Variants in CLRN2 observed in about 807,000 individuals in gnomAD.
CLRN2 encodes clarin-2.
A neutral mutation model predicts 20.1 loss-of-function variants in CLRN2; 17 were observed. That is an observed-to-expected ratio of 0.85 (90% CI 0.58 to 1.27). The LOEUF (loss-of-function observed/expected upper bound fraction) is 1.27, where lower values mean the gene tolerates loss of function less well. Among genes scored for constraint, CLRN2 ranks in the 50% most tolerant of loss-of-function variants. CLRN2 has a pLI of 0.00. For synonymous variants in CLRN2, 140 were observed against 126.9 expected, an observed-to-expected ratio of 1.10 and a Z score of -0.70; for missense variants, 288 against 299.5, an observed-to-expected ratio of 0.96 and a Z score of 0.28.
At chr4:17,525,383 C>T (rs1211570974) in intron 2 of CLRN2, among the ~76,000 whole-genome samples, 3 of 152,112 alleles carry the variant, frequency 2.0e-5, no homozygotes, top group Admixed American at 6.6e-5. Context: ...CGCCTGTAAT[C>T]CCAGCACTTG....
At position 17,515,517 on chromosome 4, in the gene CLRN2, CGAGT is replaced by C; in HGVS notation, c.253+3_253+6del. 1 of 1,613,744 alleles carries C rather than the reference CGAGT, an allele frequency of 6.2e-7. No homozygotes were observed. The highest frequency in any genetic ancestry group is 1.3e-5 in the African/African-American group (1 of 75,008). On this transcript the variant is annotated splice_donor_variant and coding_sequence_variant, in exon 1 of 3. Coordinates refer to ENST00000511148, the MANE Select transcript of CLRN2 (RefSeq NM_001079827.2). LOFTEE classifies it high-confidence loss of function. ...CTTGGGGGCCGCCAATCCCAATTCA[CGAGT>C]GAGTATATTGGGAGCATGAAAGCTG...
intron 1 of CLRN2, among the ~76,000 whole-genome samples, chr4:17,519,551 A>C (rs1296230185): frequency 1.3e-5 from 2 of 152,252 alleles, no homozygotes; most frequent in Non-Finnish European, 2.9e-5. Flanking sequence ...AAGAATATGT[A>C]TAAAGCCACC....
chr4:17,522,802 G>A, intron 1 of CLRN2, 62 bp from the exon 2 acceptor site: 5 of 1,558,390 alleles, frequency 3.2e-6, no homozygotes, highest in Non-Finnish European at 4.4e-6. Flanking sequence ...AAGCAAGCTT[G>A]GACTTCATGA....
intron 1 of CLRN2, among the ~76,000 whole-genome samples, chr4:17,518,890 T>A (rs1711761764): frequency 6.6e-6 from 1 of 152,240 alleles, no homozygotes; most frequent in Non-Finnish European, 1.5e-5. Flanking sequence ...CCTTCCATTT[T>A]TACTATGCTA....
chr4:17,516,301 A>G (rs1172657282), intron 1 of CLRN2, among the ~76,000 whole-genome samples: 1 of 152,238 alleles, frequency 6.6e-6, no homozygotes, highest in Non-Finnish European at 1.5e-5. Context: ...CAGGAATCCA[A>G]GCTGGACTTA....
intron 2 of CLRN2, among the ~76,000 whole-genome samples, chr4:17,526,201 A>ATT (rs911745085): frequency 1.3e-5 from 2 of 152,194 alleles, no homozygotes; most frequent in African/African-American, 4.8e-5. Flanking sequence ...ATCCTAGGAT[A>ATT]TTTTAGACAA....
Position 17,526,933 on chromosome 4 carries a change from C to G in CLRN2, c.550C>G (p.Gln184Glu). The G allele has an allele frequency of 6.2e-7, 1 of 1,614,004 alleles. No individual in the cohort carries two copies. The highest frequency in any genetic ancestry group is 1.3e-5 in the African/African-American group (1 of 75,034). Residue 184 changes from glutamine (Q) to glutamate (E), a missense_variant, in exon 3 of 3, where the codon CAG becomes GAG. Gln to Glu is a conservative substitution (Grantham distance 29, BLOSUM62 2). Coordinates refer to ENST00000511148, the MANE Select transcript of CLRN2 (RefSeq NM_001079827.2). The stretch of plus-strand genomic sequence containing the variant: ...CTTCCAGTTTGTGGTGGTGGAAGAA[C>G]AGTATGAAGAGTCGTTTTGGATCTG... ...KLFQFVVVEE[Q>E]YEESFWICVA... is the part of the protein sequence containing the mutation.
At chr4:17,524,627 C>T (rs35829965) in intron 2 of CLRN2, among the ~76,000 whole-genome samples, 67 of 152,170 alleles carry the variant, frequency 4.4e-4, no homozygotes, top group Non-Finnish European at 7.3e-4. Context: ...AAGTGCTCAA[C>T]GCTGCTTATT....
At chr4:17,518,342 G>C (rs1406855795) in intron 1 of CLRN2, among the ~76,000 whole-genome samples, 1 of 152,162 alleles carries the variant, frequency 6.6e-6, no homozygotes, top group Non-Finnish European at 1.5e-5. Context: ...TGGGTGGCTA[G>C]AGAAAGAAAA....
chr4:17,525,715 T>A (rs1429808605), intron 2 of CLRN2, among the ~76,000 whole-genome samples: 2 of 151,886 alleles, frequency 1.3e-5, no homozygotes, highest in Non-Finnish European at 2.9e-5. Flanking sequence ...CACGTAAAAA[T>A]GTCCAAGTGA....
intron 2 of CLRN2, among the ~76,000 whole-genome samples, chr4:17,525,371 C>T (rs1234442642): frequency 2.6e-5 from 4 of 152,232 alleles, no homozygotes; most frequent in East Asian, 3.9e-4. Context: ...CACGGTGGCT[C>T]ACGCCTGTAA....
intron 1 of CLRN2, among the ~76,000 whole-genome samples, chr4:17,518,457 GC>G (rs1711748742): frequency 6.6e-6 from 1 of 152,174 alleles, no homozygotes; most frequent in African/African-American, 2.4e-5. Context: ...ACAAGTACTT[GC>G]CCTAGAAAAG....
chr4:17,521,726 G>A lies in CLRN2; in HGVS notation c.254-1138G>A, dbSNP rs76924097. Among the ~76,000 whole-genome samples, 968 of 152,286 alleles carry A rather than the reference G, an allele frequency of 6.4e-3. 35 individuals carry two copies. The East Asian group carries it at 0.085, about 13-fold the overall frequency. On this transcript the variant is annotated intron_variant, in intron 1 of 2. Transcript: ENST00000511148. ...AGTTCCCACCCAGGTTTCCAGTCAG[G>A]TCTGTTTGGGTAAATAAAGGATTCA...
Position 17,526,833 on chromosome 4 carries a change from A to T in CLRN2, c.450A>T (p.Leu150Phe), listed in dbSNP as rs1243728412. The T allele has an allele frequency of 2.5e-6, 4 of 1,614,014 alleles. No individual in the cohort carries two copies. The South Asian group carries it at 3.3e-5, about 13-fold the overall frequency. The change falls in exon 3 of 3, where the codon TTA (leucine) becomes TTT (phenylalanine). Residue 150 changes from leucine to phenylalanine, a missense_variant. Physicochemically the swap from Leu to Phe is conservative, Grantham distance 22. Coordinates refer to ENST00000511148, the MANE Select transcript of CLRN2 (RefSeq NM_001079827.2). ...GAGTTTCAGGCGGCGTCGTGGCGTT[A>T]GCCATCGCCAGCTTCGTGGCTGCGG... is the stretch of plus-strand genomic sequence containing the variant. ...WNVLAGGVVA[L>F]AIASFVAAVK...
At chr4:17,523,324 C>A (rs997886493) in intron 2 of CLRN2, among the ~76,000 whole-genome samples, 9 of 151,710 alleles carry the variant, frequency 5.9e-5, no homozygotes, top group Non-Finnish European at 1.0e-4. Flanking sequence ...AAGTGATCTT[C>A]CCACCTCAGG....
At chr4:17,518,152 A>C (rs530698586) in intron 1 of CLRN2, among the ~76,000 whole-genome samples, 72 of 151,992 alleles carry the variant, frequency 4.7e-4, no homozygotes, top group Non-Finnish European at 9.0e-4. Flanking sequence ...GGGGAGGTTT[A>C]TTGGGTCTCG....
intron 1 of CLRN2, among the ~76,000 whole-genome samples, chr4:17,516,198 T>A (rs1711667641): frequency 6.6e-6 from 1 of 152,254 alleles, no homozygotes; most frequent in Non-Finnish European, 1.5e-5. Context: ...GGCACTTGCC[T>A]GTTCTCTGTG....
chr4:17,524,204 A>ATGTG (rs10527873), intron 2 of CLRN2, among the ~76,000 whole-genome samples: 15,871 of 148,510 alleles, frequency 0.11, 926 homozygotes, highest in East Asian at 0.15. Flanking sequence ...AAACTACAAG[A>ATGTG]TGTGTGTGTG....
chr4:17,515,643 C>A, intron 1 of CLRN2, 124 bp downstream of exon 1: 1 of 1,077,314 alleles, frequency 9.3e-7, no homozygotes, highest in Non-Finnish European at 1.3e-6. Flanking sequence ...TCAAAGTCCA[C>A]AGTGAGCCAA....
Sources: gnomAD v4.1 joint callset for allele counts (sites outside exome capture counted in the v4.1 genomes callset) on GRCh38, gnomAD v4.1.1 for gene constraint, MANE v1.5 for transcripts, NCBI Gene and HGNC (gene_info 2026-07-23, HGNC 2026-07-21) for gene names.